GADL1: variants seen among roughly 807,000 people sequenced by gnomAD.
GADL1 encodes GAD like acidic amino acid decarboxylase 1.
Under a neutral mutation model 69.5 loss-of-function variants are expected in GADL1, and 71 were observed. The observed-to-expected ratio is 1.02, with a 90% CI of 0.84 to 1.25. The LOEUF (loss-of-function observed/expected upper bound fraction) is 1.25, where lower values mean the gene tolerates loss of function less well. GADL1 is among the 50% of genes most tolerant of loss of function. GADL1 has a pLI of 0.00. For synonymous variants in GADL1, 254 were observed against 214.4 expected (o/e 1.18, Z -1.62); for missense variants, 737 against 631.8 (o/e 1.17, Z -1.79).
chr3:30,753,626 TAAG>T (rs1016022488), intron 14 of GADL1, among the ~76,000 whole-genome samples: 2 of 123,690 alleles, frequency 1.6e-5, no homozygotes, highest in African/African-American at 6.7e-5. Flanking sequence ...TTACAGTACT[TAAG>T]ATCACTCTTG....
intron 11 of GADL1, among the ~76,000 whole-genome samples, chr3:30,816,801 C>T (rs1697485083): frequency 6.6e-6 from 1 of 151,916 alleles, no homozygotes; most frequent in Admixed American, 6.6e-5. Flanking sequence ...CTGCCTCAGC[C>T]TCCCAAAGTG....
At chr3:30,758,474 G>GA (rs1336671452) in intron 14 of GADL1, among the ~76,000 whole-genome samples, 1 of 152,070 alleles carries the variant, frequency 6.6e-6, no homozygotes, top group Non-Finnish European at 1.5e-5. Flanking sequence ...GAGAACTTTA[G>GA]AATCAGACTG....
intron 12 of GADL1, among the ~76,000 whole-genome samples, chr3:30,791,897 C>T (rs1696928761): frequency 6.6e-6 from 1 of 152,168 alleles, no homozygotes; most frequent in African/African-American, 2.4e-5. Context: ...CCTGCAGATG[C>T]TCTTACCTGC....
rs139365637 is a variant in GADL1, at chr3:30,873,664, C to T, written c.38-11899G>A. On this transcript the variant is annotated intron_variant, in intron 1 of 14. Coordinates refer to ENST00000282538, the MANE Select transcript of GADL1 (RefSeq NM_207359.3). ...AACCAATTTGCTCAAGTGTTGACTA[C>T]AGGACTTTAAATGAATTCCATTTAA... Among the ~76,000 whole-genome samples, 207 of 152,086 alleles carry T rather than the reference C, an allele frequency of 1.4e-3. 2 individuals carry two copies. Among genetic ancestry groups the T allele is most frequent in the African/African-American group, 4.8e-3 (198 of 41,538 alleles).
chr3:30,783,352 CA>C (rs2125498371), intron 13 of GADL1, among the ~76,000 whole-genome samples: 1 of 152,272 alleles, frequency 6.6e-6, no homozygotes, highest in East Asian at 1.9e-4. Context: ...AGATGATTTT[CA>C]GGGGCCTATG....
chr3:30,764,983 G>GAT (rs1304242935), intron 14 of GADL1, among the ~76,000 whole-genome samples: 1 of 152,168 alleles, frequency 6.6e-6, no homozygotes, highest in African/African-American at 2.4e-5. Flanking sequence ...ACAGATTGCA[G>GAT]GAAAAGTCTG....
chr3:30,833,853 A>C lies in GADL1; in HGVS notation c.1050T>G (p.Ser350=), dbSNP rs764175397. The change falls in exon 11 of 15, where the codon TCT becomes TCG. Residue 350 remains serine, a splice_region_variant and synonymous_variant. Coordinates refer to ENST00000282538, the MANE Select transcript of GADL1 (RefSeq NM_207359.3). ...AAAGGACCACAAGAGGAAAACTTAC[A>C]GATTTGTCTTTCACAAGGAGAGCAC... The part of the protein sequence containing the change: ...QCCALLVKDK[S]DLLKKCYSAK... 2 of 1,610,138 alleles carry C rather than the reference A, an allele frequency of 1.2e-6. No individual in the cohort carries two copies. The highest frequency in any genetic ancestry group is 2.2e-5 in the South Asian group (2 of 90,972).
chr3:30,771,345 T>C (rs1322010317), intron 14 of GADL1, among the ~76,000 whole-genome samples: 2 of 152,154 alleles, frequency 1.3e-5, no homozygotes, highest in Non-Finnish European at 2.9e-5. Context: ...GTACATAATA[T>C]CTCTACCTGA....
intron 11 of GADL1, among the ~76,000 whole-genome samples, chr3:30,824,418 A>T (rs1278466329): frequency 6.6e-6 from 1 of 151,738 alleles, no homozygotes; most frequent in Non-Finnish European, 1.5e-5. Context: ...CCCACAAGAA[A>T]ATTCCTAAAT....
chr3:30,861,906 G>A, intron 1 of GADL1, 141 bp from the exon 2 acceptor site: 2 of 596,548 alleles, frequency 3.4e-6, no homozygotes, highest in Non-Finnish European at 5.8e-6. Flanking sequence ...GTGTTGAGCT[G>A]ACAATTTCTT....
At chr3:30,776,027 A>G (rs1696528857) in intron 14 of GADL1, among the ~76,000 whole-genome samples, 3 of 152,170 alleles carry the variant, frequency 2.0e-5, no homozygotes, top group Non-Finnish European at 4.4e-5. Flanking sequence ...CGGAGGTTGC[A>G]GTGAGCAGAG....
At chr3:30,775,870 G>A (rs1194565049) in intron 14 of GADL1, among the ~76,000 whole-genome samples, 1 of 152,168 alleles carries the variant, frequency 6.6e-6, no homozygotes, top group African/African-American at 2.4e-5. Flanking sequence ...GCCGAGGCAG[G>A]TGGATCACCT....
At chr3:30,804,405 A>G (rs1697218107) in intron 11 of GADL1, among the ~76,000 whole-genome samples, 3 of 152,270 alleles carry the variant, frequency 2.0e-5, no homozygotes, top group Admixed American at 6.5e-5. Flanking sequence ...TCTGTTTTTG[A>G]CTAACATTTA....
intron 4 of GADL1, among the ~76,000 whole-genome samples, chr3:30,851,646 C>T (rs115800142): frequency 7.0e-6 from 1 of 141,992 alleles, no homozygotes; most frequent in Non-Finnish European, 1.5e-5. Flanking sequence ...TGGTCTACAC[C>T]TGATAACTGC....
intron 14 of GADL1, among the ~76,000 whole-genome samples, chr3:30,756,554 G>T (rs1328705803): frequency 3.3e-5 from 5 of 151,988 alleles, no homozygotes; most frequent in Non-Finnish European, 5.9e-5. Flanking sequence ...AATTTGCTTT[G>T]GTTCATAGAA....
At chr3:30,785,793 A>G (rs780445489) in intron 13 of GADL1, among the ~76,000 whole-genome samples, 62 of 150,994 alleles carry the variant, frequency 4.1e-4, no homozygotes, top group Non-Finnish European at 6.8e-4. Context: ...TTTGCAATTT[A>G]TATTTCTTAA....
In GADL1 at chr3:30,849,981, A is replaced by C. The variant is rs1413657878; in HGVS notation, c.651+15T>G. On this transcript the variant is annotated intron_variant, in intron 6 of 14. Transcript: ENST00000282538. The stretch of plus-strand genomic sequence containing the variant: ...TCTCAGAAAATCTATATTCAATACC[A>C]AAAATAATTTTTACCTCTGCAGATG... 1 of 1,450,210 alleles carries C rather than the reference A, an allele frequency of 6.9e-7. No individual in the cohort carries two copies. The highest frequency in any genetic ancestry group is 9.7e-7 in the Non-Finnish European group (1 of 1,034,002). The allele number at this position is 1,450,210 out of a possible 1,614,324, so 89.8% of individuals were successfully genotyped here.
intron 9 of GADL1, 131 bp downstream of exon 9, chr3:30,838,866 T>C (rs1295674808): frequency 1.7e-6 from 1 of 578,754 alleles, no homozygotes; most frequent in Non-Finnish European, 3.1e-6. Flanking sequence ...GGCATACTTA[T>C]TTCCCCCAAT....
At chr3:30,779,520 C>A (rs989964503) in intron 13 of GADL1, among the ~76,000 whole-genome samples, 1 of 152,134 alleles carries the variant, frequency 6.6e-6, no homozygotes. Flanking sequence ...TACAGTCATT[C>A]TTACAAATCT....
Sources: allele counts gnomAD v4.1 joint callset (sites outside exome capture counted in the v4.1 genomes callset), GRCh38; gene constraint gnomAD v4.1.1; transcripts MANE v1.5; gene names NCBI Gene and HGNC (gene_info 2026-07-23, HGNC 2026-07-21).